Variants in TLN2 observed in about 807,000 individuals in gnomAD.
TLN2 encodes talin-2.
Under a neutral mutation model 294.7 loss-of-function variants are expected in TLN2, and 118 were observed. The ratio of observed to expected loss-of-function variants is 0.40; its 90% confidence interval spans 0.34 to 0.47. TLN2 has a LOEUF of 0.47. Ranked by LOEUF, TLN2 falls within the 20% of genes least tolerant of loss-of-function variation. The probability of loss-of-function intolerance (pLI) is 0.84; values close to 1 mark genes in which losing one functional copy is unlikely to be tolerated. For missense variants in TLN2, 3,083 were observed against 3,282.2 expected (o/e 0.94, Z 1.48); for synonymous variants, 1,431 against 1,304.5 (o/e 1.10, Z -2.09).
At chr15:62,505,669 A>C (rs1471159661) in intron 1 of TLN2, among the ~76,000 whole-genome samples, 1 of 152,284 alleles carries the variant, frequency 6.6e-6, no homozygotes, top group East Asian at 1.9e-4. Flanking sequence ...GTAAAATTTC[A>C]AGTCAATCTC....
intron 11 of TLN2, among the ~76,000 whole-genome samples, chr15:62,675,537 C>A (rs1202646833): frequency 6.6e-6 from 1 of 152,208 alleles, no homozygotes; most frequent in African/African-American, 2.4e-5. Context: ...AGCCCCTGGG[C>A]AGCTGGGCTT....
At chr15:62,424,951 CCTT>C (rs1433831985) in intron 1 of TLN2, among the ~76,000 whole-genome samples, 3 of 127,142 alleles carry the variant, frequency 2.4e-5, no homozygotes, top group African/African-American at 9.0e-5. Context: ...CCGTGCCTGG[CCTT>C]TTTTTTTTTT....
chr15:62,523,789 G>A (rs2040589918), intron 1 of TLN2, among the ~76,000 whole-genome samples: 3 of 152,214 alleles, frequency 2.0e-5, no homozygotes, highest in South Asian at 2.1e-4. Context: ...TGTTAAAGAG[G>A]CAGTGTTGTG....
intron 22 of TLN2, among the ~76,000 whole-genome samples, chr15:62,714,351 T>C (rs1021653519): frequency 9.5e-4 from 145 of 151,914 alleles, no homozygotes; most frequent in Non-Finnish European, 4.1e-4. Flanking sequence ...TACAGGTGCC[T>C]GCCACCACGC....
intron 54 of TLN2, among the ~76,000 whole-genome samples, chr15:62,827,134 T>C (rs1008690725): frequency 6.6e-6 from 1 of 152,184 alleles, no homozygotes; most frequent in African/African-American, 2.4e-5. Context: ...CTTATGCTCC[T>C]TCACCTTCAA....
At chr15:62,504,648 T>G (rs1369817361) in intron 1 of TLN2, among the ~76,000 whole-genome samples, 2 of 152,204 alleles carry the variant, frequency 1.3e-5, no homozygotes, top group Non-Finnish European at 2.9e-5. Context: ...CCTTGATCCT[T>G]AGGTTACACC....
intron 17 of TLN2, 74 bp downstream of exon 17, chr15:62,701,288 A>AATT: frequency 8.2e-7 from 1 of 1,224,260 alleles, no homozygotes; most frequent in Non-Finnish European, 1.1e-6. Flanking sequence ...ATTTTAAAAA[A>AATT]TAAGTTATCT....
rs776254709 is a variant in TLN2, at chr15:62,653,241, A to G, written c.444A>G (p.Lys148=). 5 of 1,613,512 alleles carry G rather than the reference A, an allele frequency of 3.1e-6. No individual in the cohort carries two copies. The highest frequency in any genetic ancestry group is 2.2e-5 in the East Asian group (1 of 44,886). The part of the protein sequence containing the change: ...EKKEEGTGTL[K]KDRTLLRDER... The stretch of plus-strand genomic sequence containing the variant: ...AAGAGGAAGGAACGGGCACACTCAA[A>G]AAAGACAGGACACTGTTACGAGATG... Residue 148 remains lysine, a synonymous_variant, in exon 7 of 59, where the codon AAA becomes AAG. Coordinates refer to ENST00000636159, the MANE Select transcript of TLN2 (RefSeq NM_015059.3).
At chr15:62,486,498 T>TA (rs1053591767) in intron 1 of TLN2, among the ~76,000 whole-genome samples, 1 of 150,258 alleles carries the variant, frequency 6.7e-6, no homozygotes, top group South Asian at 2.1e-4. Context: ...ATTGACATTT[T>TA]AAAAAAATAC....
At chr15:62,632,563 A>C (rs1024911364) in intron 3 of TLN2, among the ~76,000 whole-genome samples, 2 of 152,216 alleles carry the variant, frequency 1.3e-5, no homozygotes, top group African/African-American at 4.8e-5. Flanking sequence ...GGCACCCGCC[A>C]ACTCTCAGTG....
chr15:62,447,557 C>G (rs938435218), intron 1 of TLN2, among the ~76,000 whole-genome samples: 2 of 150,204 alleles, frequency 1.3e-5, no homozygotes, highest in African/African-American at 4.9e-5. Context: ...TGCAATGGCG[C>G]GATCTTGCTC....
intron 1 of TLN2, among the ~76,000 whole-genome samples, chr15:62,455,174 T>G (rs1398378137): frequency 7.0e-6 from 1 of 142,244 alleles, no homozygotes; most frequent in Non-Finnish European, 1.5e-5. Context: ...TTGTGGTGCC[T>G]CCTGAGAGTG....
rs3055781 is a variant in TLN2, at chr15:62,677,806, C to CTTT, written c.957+2498_957+2500dup. On this transcript the variant is annotated intron_variant, in intron 11 of 58. Coordinates refer to ENST00000636159, the MANE Select transcript of TLN2 (RefSeq NM_015059.3). The stretch of plus-strand genomic sequence containing the variant: ...TTAAGAAAGTAGGCAGCACTTGCAA[C>CTTT]TTTTTTTTTTTTTTTGAGACGGAGA... 1.3e-3 allele frequency among the ~76,000 whole-genome samples: 101 copies of CTTT among 75,270 alleles called. 16 individuals carry two copies. The highest frequency in any genetic ancestry group is 0.018 in the Middle Eastern group (1 of 56). 49.4% of individuals were successfully genotyped at this position (75,270 alleles called of 152,430 possible).
intron 52 of TLN2, among the ~76,000 whole-genome samples, chr15:62,812,109 G>T (rs531749446): frequency 1.3e-5 from 2 of 152,070 alleles, no homozygotes; most frequent in African/African-American, 4.8e-5. Flanking sequence ...ACTTGCTAAC[G>T]GTGGGCTTGC....
At chr15:62,452,724 C>T (rs375863622) in intron 1 of TLN2, among the ~76,000 whole-genome samples, 4 of 152,162 alleles carry the variant, frequency 2.6e-5, no homozygotes, top group African/African-American at 7.2e-5. Flanking sequence ...TTTTCTGTGT[C>T]GATACTTTAA....
At chr15:62,421,621 T>G (rs781015938) in intron 1 of TLN2, among the ~76,000 whole-genome samples, 3 of 149,686 alleles carry the variant, frequency 2.0e-5, no homozygotes, top group Non-Finnish European at 4.4e-5. Flanking sequence ...GGGGACTAAA[T>G]GATGAGGACA....
rs373347235 is a variant in TLN2, at chr15:62,711,904, C to G, written c.2468-7C>G. ...AAACAGACCTCATCCTCTATTCTGTCTTCTAGGTGAAATGGTGCGCCAGGC... is the reference window on the plus strand; with the variant it reads ...AAACAGACCTCATCCTCTATTCTGTGTTCTAGGTGAAATGGTGCGCCAGGC... On this transcript the variant is annotated splice_polypyrimidine_tract_variant and splice_region_variant and intron_variant, in intron 21 of 58. Transcript: ENST00000636159. 7 of 1,604,166 alleles carry G rather than the reference C, an allele frequency of 4.4e-6. No homozygotes were observed. The highest frequency in any genetic ancestry group is 6.0e-6 in the Non-Finnish European group (7 of 1,172,306).
At chr15:62,729,983 G>A (rs2060631514) in intron 28 of TLN2, among the ~76,000 whole-genome samples, 1 of 149,556 alleles carries the variant, frequency 6.7e-6, no homozygotes, top group African/African-American at 2.5e-5. Flanking sequence ...AGAATCTTGA[G>A]ACATGTTAAC....
At chr15:62,529,380 C>T (rs940483497) in intron 1 of TLN2, among the ~76,000 whole-genome samples, 26 of 152,062 alleles carry the variant, frequency 1.7e-4, no homozygotes, top group Admixed American at 7.9e-4. Flanking sequence ...TGAGCCACTG[C>T]GCCCAGCCTT....
Sources: gnomAD v4.1 joint callset for allele counts (sites outside exome capture counted in the v4.1 genomes callset) on GRCh38, gnomAD v4.1.1 for gene constraint, MANE v1.5 for transcripts, NCBI Gene and HGNC (gene_info 2026-07-23, HGNC 2026-07-21) for gene names.